ZSWIM6: variants seen among roughly 807,000 people sequenced by gnomAD.
The protein encoded by ZSWIM6 is zinc finger SWIM-type containing 6, also known as zinc finger SWIM domain-containing protein 6.
ZSWIM6 carries 9 observed loss-of-function variants against 113.2 expected under a neutral mutation model. The ratio of observed to expected loss-of-function variants is 0.08; its 90% confidence interval spans 0.05 to 0.14. ZSWIM6 has a LOEUF of 0.14. Among genes scored for constraint, ZSWIM6 ranks in the 10% least tolerant of loss-of-function variants. The pLI is 1.00. For synonymous variants in ZSWIM6, 611 were observed against 606.5 expected (o/e 1.01, Z -0.11); for missense variants, 1,162 against 1,552.2 (o/e 0.75, Z 4.22).
chr5:61,475,652 C>A (rs745894113), intron 2 of ZSWIM6, among the ~76,000 whole-genome samples: 3 of 152,160 alleles, frequency 2.0e-5, no homozygotes, highest in Non-Finnish European at 4.4e-5. Context: ...ACATGAGCTG[C>A]CTTCCTGCCT....
intron 1 of ZSWIM6, among the ~76,000 whole-genome samples, chr5:61,349,084 A>T (rs80246353): frequency 6.6e-6 from 1 of 152,324 alleles, no homozygotes; most frequent in East Asian, 1.9e-4. Context: ...TGTCTAATCA[A>T]ATTGAATCAA....
At chr5:61,464,390 A>G (rs1327305544) in intron 1 of ZSWIM6, among the ~76,000 whole-genome samples, 1 of 151,834 alleles carries the variant, frequency 6.6e-6, no homozygotes, top group Non-Finnish European at 1.5e-5. Context: ...TATTATTCGA[A>G]TTGTAGAAAC....
chr5:61,516,901 C>T (rs1748960711), intron 4 of ZSWIM6, among the ~76,000 whole-genome samples: 1 of 151,988 alleles, frequency 6.6e-6, no homozygotes, highest in South Asian at 2.1e-4. Flanking sequence ...CATCATCACT[C>T]CTGAATGATA....
At chr5:61,353,718 T>C (rs1403539026) in intron 1 of ZSWIM6, among the ~76,000 whole-genome samples, 1 of 152,248 alleles carries the variant, frequency 6.6e-6, no homozygotes, top group Non-Finnish European at 1.5e-5. Context: ...TTTTTCTTTG[T>C]TGGACATTTA....
intron 1 of ZSWIM6, among the ~76,000 whole-genome samples, chr5:61,333,717 G>T (rs1026418756): frequency 7.9e-5 from 12 of 152,134 alleles, no homozygotes; most frequent in Non-Finnish European, 1.3e-4. Context: ...TAATTAAAGG[G>T]CGCGAGCCTG....
intron 1 of ZSWIM6, among the ~76,000 whole-genome samples, chr5:61,360,477 G>A (rs933333361): frequency 1.3e-5 from 2 of 152,210 alleles, no homozygotes; most frequent in African/African-American, 4.8e-5. Context: ...TTCTCCTAAG[G>A]TCACATAGCT....
intron 1 of ZSWIM6, among the ~76,000 whole-genome samples, chr5:61,463,457 A>AC (rs1747358795): frequency 6.6e-6 from 1 of 152,338 alleles, no homozygotes; most frequent in East Asian, 1.9e-4. Flanking sequence ...TGGTCCCTGG[A>AC]CACCAGCATT....
chr5:61,391,604 C>T lies in ZSWIM6; in HGVS notation c.676+58656C>T. ...CCTCGAGGGGTTTCCACGAAGCCCA[C>T]AATGGCCACAACCACCATGGGTGGT... On this transcript the variant is annotated intron_variant, in intron 1 of 13. Transcript: ENST00000252744. The T allele has an allele frequency of 3.3e-6, 3 of 904,628 alleles. No individual in the cohort carries two copies. The South Asian group carries it at 3.9e-5, about 12-fold the overall frequency. 56.0% of individuals were successfully genotyped at this position (904,628 alleles called of 1,614,324 possible).
intron 4 of ZSWIM6, among the ~76,000 whole-genome samples, chr5:61,496,990 G>A (rs758959205): frequency 4.1e-4 from 63 of 151,934 alleles, no homozygotes; most frequent in Non-Finnish European, 2.4e-4. Flanking sequence ...TATCAAAGTG[G>A]GGCCGCTCTG....
chr5:61,469,948 C>T (rs891252137), intron 1 of ZSWIM6, among the ~76,000 whole-genome samples: 3 of 152,192 alleles, frequency 2.0e-5, no homozygotes, highest in African/African-American at 7.2e-5. Context: ...ACCTCGTGAT[C>T]CGCCTGCCTC....
intron 4 of ZSWIM6, among the ~76,000 whole-genome samples, chr5:61,510,243 C>A (rs1748744961): frequency 6.6e-6 from 1 of 151,984 alleles, no homozygotes; most frequent in South Asian, 2.1e-4. Context: ...ATAATTTGTA[C>A]ATCTGAATGT....
At chr5:61,413,019 CTTTT>C (rs932081762) in intron 1 of ZSWIM6, among the ~76,000 whole-genome samples, 6 of 137,692 alleles carry the variant, frequency 4.4e-5, no homozygotes, top group Non-Finnish European at 9.5e-5. Context: ...CTTATTTTTT[CTTTT>C]TTATTATTAT....
At chr5:61,532,787 T>C (rs1749474923) in intron 9 of ZSWIM6, among the ~76,000 whole-genome samples, 1 of 152,214 alleles carries the variant, frequency 6.6e-6, no homozygotes. Context: ...TTTTTTTCCC[T>C]GTAAAGATAA....
chr5:61,428,109 G>A (rs1042761629), intron 1 of ZSWIM6, among the ~76,000 whole-genome samples: 8 of 152,064 alleles, frequency 5.3e-5, no homozygotes, highest in African/African-American at 1.9e-4. Flanking sequence ...GGACCACAGA[G>A]AATTTTATGT....
At chr5:61,349,030 A>G (rs898207158) in intron 1 of ZSWIM6, among the ~76,000 whole-genome samples, 1 of 152,226 alleles carries the variant, frequency 6.6e-6, no homozygotes, top group Admixed American at 6.5e-5. Flanking sequence ...TATCCTTTGT[A>G]GGATTGTAGA....
At position 61,541,930 on chromosome 5, in the gene ZSWIM6, T is replaced by C; in HGVS notation, c.2750T>C (p.Met917Thr). Residue 917 changes from methionine (M) to threonine (T), a missense_variant, in exon 13 of 14, where the codon ATG (methionine) becomes ACG (threonine). Physicochemically the swap from Met to Thr is moderately conservative, Grantham distance 81. This residue lies in a region of ZSWIM6 where 620 missense variants were observed against 804.6 expected (regional missense o/e 0.77). Coordinates refer to ENST00000252744, the MANE Select transcript of ZSWIM6 (RefSeq NM_020928.2). ...LSTLNWRRRE[M>T]VRWLVTCATE... ...ACCTTAAATTGGCGACGGCGGGAGA[T>C]GGTGAGGTGGCTGGTAACGTGTGCT... The C allele has an allele frequency of 6.4e-7, 1 of 1,551,266 alleles. No individual in the cohort carries two copies. Among genetic ancestry groups the C allele is most frequent in the Non-Finnish European group, 8.7e-7 (1 of 1,146,446 alleles).
intron 1 of ZSWIM6, among the ~76,000 whole-genome samples, chr5:61,356,721 CATA>C (rs1292211903): frequency 3.4e-4 from 31 of 90,506 alleles, no homozygotes; most frequent in Middle Eastern, 0.012. Flanking sequence ...ATATATATAA[CATA>C]ATATATAATA....
chr5:61,531,554 G>A lies in ZSWIM6; in HGVS notation c.2074G>A (p.Val692Met). 1 of 1,551,708 alleles carries A rather than the reference G, an allele frequency of 6.4e-7. No homozygotes were observed. The highest frequency in any genetic ancestry group is 8.7e-7 in the Non-Finnish European group (1 of 1,146,972). Residue 692 changes from valine (V) to methionine (M), a missense_variant, in exon 9 of 14, where the codon GTG becomes ATG. Transcript: ENST00000252744. Reference protein sequence around the residue: ...EEGESYLTLAVEVALIGLGQQ... With the variant: ...EEGESYLTLAMEVALIGLGQQ... ...AGGGGAATCCTATTTAACGCTGGCTGTGGAAGTAGCCCTGATAGGGCTAGG... is the reference window on the plus strand; with the variant it reads ...AGGGGAATCCTATTTAACGCTGGCTATGGAAGTAGCCCTGATAGGGCTAGG...
chr5:61,480,348 T>C (rs1378538006), intron 2 of ZSWIM6, among the ~76,000 whole-genome samples: 2 of 152,190 alleles, frequency 1.3e-5, no homozygotes, highest in African/African-American at 2.4e-5. Context: ...TTCCCTGAGA[T>C]ATATGCTGAT....
Sources: allele counts gnomAD v4.1 joint callset (sites outside exome capture counted in the v4.1 genomes callset), GRCh38; gene constraint gnomAD v4.1.1; regional missense constraint gnomAD v4.1.1; transcripts MANE v1.5; gene names NCBI Gene and HGNC (gene_info 2026-07-23, HGNC 2026-07-21).